RPAP1: variants seen among roughly 807,000 people sequenced by gnomAD.
RPAP1 encodes RNA polymerase II-associated protein 1.
RPAP1 carries 109 observed loss-of-function variants against 142.4 expected under a neutral mutation model. That is an observed-to-expected ratio of 0.77 (90% CI 0.66 to 0.90). The LOEUF is 0.90. RPAP1 is among the 40% of genes least tolerant of loss of function. RPAP1 has a pLI of 0.00. For missense variants in RPAP1, 1,546 were observed against 1,751.7 expected (o/e 0.88, Z 2.10); for synonymous variants, 704 against 738.9 (o/e 0.95, Z 0.77).
chr15:41,518,116 A>G lies in RPAP1; in HGVS notation c.3862T>C (p.Phe1288Leu), dbSNP rs774989907. 1.2e-6 allele frequency: 2 copies of G among 1,604,344 alleles called. No individual in the cohort carries two copies. Residue 1288 changes from phenylalanine (F) to leucine (L), a missense_variant, in exon 23 of 25, where the codon TTC (phenylalanine) becomes CTC (leucine). Phe to Leu is a conservative substitution (Grantham distance 22, BLOSUM62 0). This residue lies in a region of RPAP1 where 210 missense variants were observed against 248.0 expected (regional missense o/e 0.85). Transcript: ENST00000304330. ...AGCGCACCAGTAACCAGGGTCCGGA[A>G]GTAGAGCTGAAGGAGGGCCAGGTTG... Reference protein sequence around the residue: ...EDNLALLQLYFRTLVTGALRP... With the variant: ...EDNLALLQLYLRTLVTGALRP...
chr15:41,543,214 T>G (rs1330128974), intron 1 of RPAP1, among the ~76,000 whole-genome samples: 2 of 145,784 alleles, frequency 1.4e-5, no homozygotes, highest in Non-Finnish European at 3.0e-5. Context: ...TTTTTTTTTT[T>G]TTTTTTTTTT....
chr15:41,534,820 T>C lies in RPAP1; in HGVS notation c.657A>G (p.Glu219=), dbSNP rs1485368981. The change falls in exon 6 of 25, where the codon GAA becomes GAG. Residue 219 remains glutamate (E), a synonymous_variant. Coordinates refer to ENST00000304330, the MANE Select transcript of RPAP1 (RefSeq NM_015540.4). The stretch of plus-strand genomic sequence containing the variant: ...GGATAGTCTGGGCTTCCTGCTCAGC[T>C]TCTTGATCCCTGAGCCCCTTCCCTG... ...LVTGKGLRDQ[E]AEQEAQTIHE... is the part of the protein sequence containing the mutation. 4 of 1,614,130 alleles carry C rather than the reference T, an allele frequency of 2.5e-6. No homozygotes were observed. Among genetic ancestry groups the C allele is most frequent in the Non-Finnish European group, 3.4e-6 (4 of 1,180,000 alleles).
intron 1 of RPAP1, among the ~76,000 whole-genome samples, chr15:41,538,125 C>A (rs982727795): frequency 6.6e-6 from 1 of 152,096 alleles, no homozygotes; most frequent in African/African-American, 2.4e-5. Context: ...CACCTGTATT[C>A]CCAGCTACTC....
At chr15:41,531,617 A>G in intron 6 of RPAP1, among the ~76,000 whole-genome samples, 1 of 95,024 alleles carries the variant, frequency 1.1e-5, no homozygotes, top group East Asian at 2.6e-4. Context: ...ATATATATAT[A>G]TATATATATA....
intron 6 of RPAP1, among the ~76,000 whole-genome samples, chr15:41,531,630 T>A (rs1487298753): frequency 0.049 from 2,515 of 51,618 alleles, 96 homozygotes; most frequent in South Asian, 0.13. Flanking sequence ...TATATATATT[T>A]TTTTTTTTTT....
chr15:41,529,511 G>A lies in RPAP1; in HGVS notation c.1117C>T (p.Pro373Ser), dbSNP rs780672497. 9 of 1,613,476 alleles carry A rather than the reference G, an allele frequency of 5.6e-6. No homozygotes were observed. In the Admixed American group the frequency reaches 1.2e-4, roughly 21 times the overall value. Residue 373 changes from proline (P) to serine (S), a missense_variant, in exon 9 of 25, where the codon CCC (proline) becomes TCC (serine). Transcript: ENST00000304330. ...GELLAPDVDLPTHLGLHHHGE... is the reference protein window; with the variant it reads ...GELLAPDVDLSTHLGLHHHGE... ...TGGTGGTGCAGACCCAGGTGGGTGG[G>A]CAGGTCCACGTCAGGGGCCAGTAGT... is the stretch of plus-strand genomic sequence containing the variant.
At chr15:41,527,765 T>C in intron 11 of RPAP1, 95 bp downstream of exon 11, 3 of 1,526,870 alleles carry the variant, frequency 2.0e-6, no homozygotes, top group South Asian at 2.5e-5. Flanking sequence ...TTCTACATCT[T>C]GCCCGCAAAG....
intron 1 of RPAP1, among the ~76,000 whole-genome samples, chr15:41,541,962 G>A (rs1028160647): frequency 6.6e-6 from 1 of 152,192 alleles, no homozygotes; most frequent in African/African-American, 2.4e-5. Flanking sequence ...CAGGGGTTGG[G>A]GGCAGGCTAA....
chr15:41,541,819 C>T (rs2051975154), intron 1 of RPAP1, among the ~76,000 whole-genome samples: 1 of 152,146 alleles, frequency 6.6e-6, no homozygotes, highest in Admixed American at 6.6e-5. Context: ...TGCACTCCAG[C>T]CTGGGGGACA....
Position 41,527,414 on chromosome 15 carries a change from T to A in RPAP1, c.1611+9A>T, listed in dbSNP as rs761959147. The A allele has an allele frequency of 4.3e-6, 7 of 1,613,932 alleles. No individual in the cohort carries two copies. The highest frequency in any genetic ancestry group is 5.9e-6 in the Non-Finnish European group (7 of 1,179,922). On this transcript the variant is annotated intron_variant, in intron 12 of 24. Transcript: ENST00000304330. ...GGGCCATGGGATGGGAAAGAAGCTG[T>A]CCCTTTACCTTGATGACATCATGTC... is the stretch of plus-strand genomic sequence containing the variant.
chr15:41,535,491 T>A (rs758557209), intron 5 of RPAP1, 21 bp downstream of exon 5: 2 of 1,588,444 alleles, frequency 1.3e-6, no homozygotes, highest in East Asian at 4.5e-5. Context: ...CCAAGCCCAA[T>A]CCTCTTCAAC....
rs754973821 is a variant in RPAP1 at position 41,522,901 on chromosome 15, C to T, written c.2606G>A (p.Ser869Asn). 3 of 1,569,030 alleles carry T rather than the reference C, an allele frequency of 1.9e-6. No homozygotes were observed. Among genetic ancestry groups the T allele is most frequent in the Non-Finnish European group, 2.6e-6 (3 of 1,166,404 alleles). ...SCVPALEAPP[S>N]LVSLGCSGGC... is the part of the protein sequence containing the mutation. ...TCCCGAGCAGCCCAGTGACACGAGG[C>T]TGGGGGGAGCTTCAAGGGCTGGCAC... is the stretch of plus-strand genomic sequence containing the variant. Residue 869 changes from serine (S) to asparagine (N), a missense_variant, in exon 19 of 25, where the codon AGC (serine) becomes AAC (asparagine). By Grantham distance (46) the Ser-to-Asn change is conservative (BLOSUM62 1). This residue lies in a region of RPAP1 where 1,333 missense variants were observed against 1,486.6 expected (regional missense o/e 0.90). Coordinates refer to ENST00000304330, the MANE Select transcript of RPAP1 (RefSeq NM_015540.4).
intron 1 of RPAP1, among the ~76,000 whole-genome samples, chr15:41,537,491 A>AT (rs2051923644): frequency 6.6e-6 from 1 of 152,170 alleles, no homozygotes; most frequent in African/African-American, 2.4e-5. Context: ...TGTTGTCATA[A>AT]TGGGGGGGTG....
Position 41,523,827 on chromosome 15 carries a change from C to G in RPAP1, c.2380G>C (p.Val794Leu). The G allele has an allele frequency of 5.6e-6, 9 of 1,609,828 alleles. No homozygotes were observed. The highest frequency in any genetic ancestry group is 7.6e-6 in the Non-Finnish European group (9 of 1,178,214). ...RPEMWRAVGPVPVACLLFLGA... is the reference protein window; with the variant it reads ...RPEMWRAVGPLPVACLLFLGA... ...AGGAACAACAGGCAGGCAACGGGCA[C>G]TGGGCCCACGGCTCTCCACATCTCA... The change falls in exon 17 of 25, where the codon GTG becomes CTG. Residue 794 changes from valine to leucine, a missense_variant. Coordinates refer to ENST00000304330, the MANE Select transcript of RPAP1 (RefSeq NM_015540.4).
rs1265126365 is a variant in RPAP1 at position 41,527,223 on chromosome 15, C to G, written c.1690G>C (p.Asp564His). The G allele has an allele frequency of 6.2e-7, 1 of 1,614,212 alleles. No homozygotes were observed. The highest frequency in any genetic ancestry group is 1.1e-5 in the South Asian group (1 of 91,086). ...VTYPGPAVVL[D>H]ILAVLIRLAR... ...AGGCGGATGAGCACAGCCAGGATGT[C>G]AAGGACCACCGCAGGTCCTGGGTAT... Residue 564 changes from aspartate to histidine, a missense_variant, in exon 13 of 25, where the codon GAC becomes CAC. Transcript: ENST00000304330.
chr15:41,519,362 G>A lies in RPAP1; in HGVS notation c.3795+1029C>T, dbSNP rs538659546. 4.0e-5 allele frequency among the ~76,000 whole-genome samples: 6 copies of A among 151,382 alleles called. No individual in the cohort carries two copies. In the South Asian group the frequency reaches 8.4e-4, roughly 21 times the overall value. ...AGCTGGGATTACAGGCATGCACCAC[G>A]ACACCCGGCTAATTTTTTGTATTTT... On this transcript the variant is annotated intron_variant, in intron 22 of 24. Transcript: ENST00000304330.
At chr15:41,532,978 CAAAAAAA>C (rs56292925) in intron 6 of RPAP1, among the ~76,000 whole-genome samples, 1 of 66,648 alleles carries the variant, frequency 1.5e-5, no homozygotes, top group African/African-American at 6.7e-5. Context: ...GACTCCGTCT[CAAAAAAA>C]AAAAAAAAAA....
chr15:41,517,983 C>T (rs567908060), intron 23 of RPAP1, 23 bp downstream of exon 23: 1 of 1,614,060 alleles, frequency 6.2e-7, no homozygotes, highest in East Asian at 2.2e-5. Context: ...CTTCCTTCCT[C>T]TGAAGATGGA....
chr15:41,531,797 C>T (rs866237693), intron 6 of RPAP1, among the ~76,000 whole-genome samples: 10 of 150,752 alleles, frequency 6.6e-5, no homozygotes, highest in South Asian at 2.1e-4. Flanking sequence ...CCTGCCACCA[C>T]GCCTGGCTAA....
Sources: gnomAD v4.1 joint callset for allele counts (sites outside exome capture counted in the v4.1 genomes callset) on GRCh38, gnomAD v4.1.1 for gene constraint, gnomAD v4.1.1 regional missense constraint, MANE v1.5 for transcripts, NCBI Gene and HGNC (gene_info 2026-07-23, HGNC 2026-07-21) for gene names.